Variants in CLYBL observed in about 807,000 individuals in gnomAD.
CLYBL encodes the protein citramalyl-CoA lyase, also known as citramalyl-CoA lyase, mitochondrial.
In CLYBL, 31 loss-of-function variants were observed where a neutral mutation model predicts 38.9. The observed-to-expected ratio is 0.80, with a 90% CI of 0.60 to 1.08. The LOEUF (loss-of-function observed/expected upper bound fraction) is 1.08. CLYBL is among the 50% of genes least tolerant of loss of function. The pLI, the probability that CLYBL is intolerant of heterozygous loss-of-function variation, is 0.00. For missense variants in CLYBL, 434 were observed against 411.6 expected, an observed-to-expected ratio of 1.05 and a Z score of -0.47; for synonymous variants, 171 against 158.6, an observed-to-expected ratio of 1.08 and a Z score of -0.59.
At chr13:99,720,586 A>G (rs1245286063) in intron 1 of CLYBL, among the ~76,000 whole-genome samples, 1 of 152,146 alleles carries the variant, frequency 6.6e-6, no homozygotes, top group Non-Finnish European at 1.5e-5. Context: ...CAGCCTTTGT[A>G]TGGAGAACGT....
chr13:99,859,041 A>G lies in CLYBL; in HGVS notation c.430A>G (p.Ile144Val). 1 of 1,612,006 alleles carries G rather than the reference A, an allele frequency of 6.2e-7. No homozygotes were observed. The highest frequency in any genetic ancestry group is 8.5e-7 in the Non-Finnish European group (1 of 1,179,254). The change falls in exon 3 of 9, where the codon ATC becomes GTC. Residue 144 changes from isoleucine to valine, a missense_variant. Physicochemically the swap from Ile to Val is conservative, Grantham distance 29. Transcript: ENST00000339105. ...MLPKVESPEE[I>V]QWFADKFSFH... is the part of the protein sequence containing the mutation. ...ACCAAAGGTGGAAAGTCCTGAAGAA[A>G]TCCAGTGGGTGAGTAGCTAATGCTT...
intron 7 of CLYBL, among the ~76,000 whole-genome samples, chr13:99,880,911 G>A (rs1371610613): frequency 6.6e-6 from 1 of 152,206 alleles, no homozygotes; most frequent in Non-Finnish European, 1.5e-5. Flanking sequence ...TAACTGCCCA[G>A]GGTGCAGAAT....
intron 2 of CLYBL, among the ~76,000 whole-genome samples, chr13:99,842,931 A>T (rs1275955341): frequency 6.6e-6 from 1 of 150,898 alleles, no homozygotes. Flanking sequence ...GCGGGGGGAA[A>T]AAAAGGCATT....
At chr13:99,645,126 A>G (rs746916375) in intron 1 of CLYBL, among the ~76,000 whole-genome samples, 2 of 152,224 alleles carry the variant, frequency 1.3e-5, no homozygotes, top group Non-Finnish European at 2.9e-5. Context: ...ACTAAATTAC[A>G]TTCCCATTAA....
At chr13:99,891,206 G>A in intron 7 of CLYBL, 112 bp from the exon 8 acceptor site, 1 of 780,932 alleles carries the variant, frequency 1.3e-6, no homozygotes. Flanking sequence ...GGGCGGGAAA[G>A]TCAGTATAAT....
chr13:99,667,433 CTT>C lies in CLYBL; in HGVS notation c.62+60698_62+60699del, dbSNP rs369360327. Among the ~76,000 whole-genome samples the C allele has an allele frequency of 5.9e-3, 751 of 127,760 alleles. 7 individuals carry two copies. The highest frequency in any genetic ancestry group is 0.014 in the African/African-American group (474 of 34,006). The allele number at this position is 127,760 out of a possible 152,430, so 83.8% of individuals were successfully genotyped here. A position where few individuals can be genotyped will look rare whatever the true frequency, so the allele number is the denominator to read the frequency against. ...GTATAGTCCTACTTAAAGAATCTTG[CTT>C]TTTTTTTTTTTTTTTTTTTTTAGAA... On this transcript the variant is annotated intron_variant, in intron 1 of 8. Transcript: ENST00000339105.
At chr13:99,664,523 T>G (rs2047452849) in intron 1 of CLYBL, among the ~76,000 whole-genome samples, 1 of 152,228 alleles carries the variant, frequency 6.6e-6, no homozygotes, top group South Asian at 2.1e-4. Context: ...AAAGATACCT[T>G]TGCGTAGTAC....
Position 99,672,788 on chromosome 13 carries a change from A to G in CLYBL, c.62+66031A>G, listed in dbSNP as rs143493693. ...CTGTCTCAAAAAATATATATTAAACAGCAACAATAACATTTTACCTCATTT... is the reference window on the plus strand; with the variant it reads ...CTGTCTCAAAAAATATATATTAAACGGCAACAATAACATTTTACCTCATTT... On this transcript the variant is annotated intron_variant, in intron 1 of 8. Coordinates refer to ENST00000339105, the MANE Select transcript of CLYBL (RefSeq NM_206808.5). Among the ~76,000 whole-genome samples the G allele has an allele frequency of 7.2e-5, 11 of 152,222 alleles. No homozygotes were observed. In the East Asian group the frequency reaches 1.9e-3, roughly 27 times the overall value.
intron 1 of CLYBL, among the ~76,000 whole-genome samples, chr13:99,667,592 T>TTG (rs1753553527): frequency 6.6e-6 from 1 of 152,138 alleles, no homozygotes; most frequent in Admixed American, 6.5e-5. Context: ...TTTTGGGTGT[T>TTG]TACAGAGTAC....
At chr13:99,859,163 G>A in intron 3 of CLYBL, 114 bp downstream of exon 3, 6 of 692,412 alleles carry the variant, frequency 8.7e-6, no homozygotes, top group South Asian at 8.4e-5. Context: ...AGAGAGGAAG[G>A]GAATTGAGAA....
intron 1 of CLYBL, among the ~76,000 whole-genome samples, chr13:99,652,903 T>C (rs9517814): frequency 0.3 from 45,785 of 152,146 alleles, 6,992 homozygotes; most frequent in South Asian, 0.34. Context: ...CCACCTTGTA[T>C]GACTGACACA....
At chr13:99,633,210 C>CAAAAAAAAAAAA (rs59801603) in intron 1 of CLYBL, among the ~76,000 whole-genome samples, 1 of 62,720 alleles carries the variant, frequency 1.6e-5, no homozygotes, top group African/African-American at 6.0e-5. Flanking sequence ...GATCCTGTCT[C>CAAAAAAAAAAAA]AAAAAAAAAA....
intron 1 of CLYBL, among the ~76,000 whole-genome samples, chr13:99,608,064 T>C (rs13329008): frequency 6.8e-3 from 355 of 51,944 alleles, no homozygotes; most frequent in African/African-American, 0.021. Flanking sequence ...GGAACTTCTT[T>C]TTTTTTTTTT....
chr13:99,779,351 C>G (rs2049591175), intron 2 of CLYBL, among the ~76,000 whole-genome samples: 1 of 152,038 alleles, frequency 6.6e-6, no homozygotes, highest in Non-Finnish European at 1.5e-5. Flanking sequence ...CCACGTTGGC[C>G]AGGCTGGTCT....
Position 99,849,196 on chromosome 13 carries a change from C to T in CLYBL, c.250-9665C>T, listed in dbSNP as rs1254782473. Among the ~76,000 whole-genome samples, 3 of 151,508 alleles carry T rather than the reference C, an allele frequency of 2.0e-5. No homozygotes were observed. The highest frequency in any genetic ancestry group is 1.3e-4 in the Admixed American group (2 of 15,202). On this transcript the variant is annotated intron_variant, in intron 2 of 8. Coordinates refer to ENST00000339105, the MANE Select transcript of CLYBL (RefSeq NM_206808.5). The surrounding 1 kb of genome is among the most constrained non-coding windows in gnomAD (Gnocchi z 4.9). ...AGAAAGACAGTGTAAGCTTGTGGTA[C>T]GTAAATACTCTGTCTTTTTTAAAAG...
chr13:99,857,411 A>G (rs555156123), intron 2 of CLYBL, among the ~76,000 whole-genome samples: 3 of 152,346 alleles, frequency 2.0e-5, no homozygotes, highest in South Asian at 2.1e-4. Flanking sequence ...AAACAAAGGT[A>G]TGATGTGGAA....
chr13:99,837,599 G>A (rs1041887733), intron 2 of CLYBL, among the ~76,000 whole-genome samples: 1 of 152,234 alleles, frequency 6.6e-6, no homozygotes, highest in African/African-American at 2.4e-5. Context: ...GAGCTACCTC[G>A]TGGAGATCTG....
At chr13:99,751,227 GT>G (rs1437541711) in intron 1 of CLYBL, among the ~76,000 whole-genome samples, 4,243 of 143,150 alleles carry the variant, frequency 0.03, 199 homozygotes, top group African/African-American at 0.1. Context: ...AAGTTTTTTT[GT>G]TTTTTTTTTT....
rs528747395 is a variant in CLYBL at position 99,731,843 on chromosome 13, C to A, written c.63-40981C>A. 1.6e-4 allele frequency among the ~76,000 whole-genome samples: 25 copies of A among 152,264 alleles called. No individual in the cohort carries two copies. In the South Asian group the frequency reaches 5.0e-3, roughly 30 times the overall value. On this transcript the variant is annotated intron_variant, in intron 1 of 8. Coordinates refer to ENST00000339105, the MANE Select transcript of CLYBL (RefSeq NM_206808.5). ...AGTAAACTGAATAACATACTCCACACCAGAATGGTTTCACTTAGCTTTCGT... is the reference window on the plus strand; with the variant it reads ...AGTAAACTGAATAACATACTCCACAACAGAATGGTTTCACTTAGCTTTCGT...
Sources: allele counts gnomAD v4.1 joint callset (sites outside exome capture counted in the v4.1 genomes callset), GRCh38; gene constraint gnomAD v4.1.1; non-coding constraint Gnocchi (gnomAD v3.1); transcripts MANE v1.5; gene names NCBI Gene and HGNC (gene_info 2026-07-23, HGNC 2026-07-21).